Variants in PKLR observed in about 807,000 individuals in gnomAD.
The protein encoded by PKLR is pyruvate kinase PKLR.
A neutral mutation model predicts 53.6 loss-of-function variants in PKLR; 38 were observed. The observed-to-expected ratio is 0.71, with a 90% CI of 0.55 to 0.93. The LOEUF (loss-of-function observed/expected upper bound fraction) is 0.93, where lower values mean the gene tolerates loss of function less well. PKLR is among the 40% of genes least tolerant of loss of function. The pLI is 0.00. For synonymous variants in PKLR, 328 were observed against 316.2 expected (o/e 1.04, Z -0.39); for missense variants, 702 against 787.3 (o/e 0.89, Z 1.30).
intron 2 of PKLR, among the ~76,000 whole-genome samples, chr1:155,298,643 A>AAAAAAC (rs1557962668): frequency 2.8e-5 from 4 of 144,332 alleles, no homozygotes; most frequent in African/African-American, 1.0e-4. Flanking sequence ...TCTTTTTTTA[A>AAAAAAC]AAACAAACAA....
In PKLR at chr1:155,296,360, C is replaced by T. The variant is rs113498109; in HGVS notation, c.284-604G>A. On this transcript the variant is annotated intron_variant, in intron 2 of 10. Transcript: ENST00000342741. ...TCTTTTTCTTTCTTTTTTTTTGAGA[C>T]GGGGGGAGTTTCACTCTTGTCGCCC... Among the ~76,000 whole-genome samples, 4 of 151,464 alleles carry T rather than the reference C, an allele frequency of 2.6e-5. No individual in the cohort carries two copies. The East Asian group carries it at 7.8e-4, about 29-fold the overall frequency.
At position 155,294,701 on chromosome 1, in the gene PKLR, C is replaced by T. The variant is rs368830326; in HGVS notation, c.746G>A (p.Arg249Gln). The T allele has an allele frequency of 6.8e-6, 11 of 1,613,896 alleles. No homozygotes were observed. Among genetic ancestry groups the T allele is most frequent in the South Asian group, 1.1e-5 (1 of 91,064 alleles). ...QVENGGVLGSRKGVNLPGAQV... is the reference protein window; with the variant it reads ...QVENGGVLGSQKGVNLPGAQV... ...GGCCCCTGGCAAGTTCACGCCCTTC[C>T]GGCTGCCCAGGACGCCGCCGTTCTC... Residue 249 changes from arginine to glutamine, a missense_variant, in exon 6 of 11, where the codon CGG becomes CAG. Around this residue, in one of 2 missense-constraint regions of PKLR, gnomAD observed 519 missense variants for 537.1 expected, o/e 0.97. Transcript: ENST00000342741.
intron 10 of PKLR, among the ~76,000 whole-genome samples, chr1:155,291,225 C>T (rs529921918): frequency 2.6e-5 from 4 of 151,894 alleles, no homozygotes; most frequent in South Asian, 2.1e-4. Flanking sequence ...GATGCCAGCA[C>T]GGTGGCTGAC....
rs528936663 is a variant in PKLR, at chr1:155,293,039, G to A, written c.1436+138C>T. 3.0e-3 allele frequency: 2,654 copies of A among 893,982 alleles called. 10 individuals carry two copies. The highest frequency in any genetic ancestry group is 3.6e-3 in the Non-Finnish European group (1,930 of 541,524). The allele number at this position is 893,982 out of a possible 1,614,324, so 55.4% of individuals were successfully genotyped here. On this transcript the variant is annotated intron_variant, in intron 9 of 10. Coordinates refer to ENST00000342741, the MANE Select transcript of PKLR (RefSeq NM_000298.6). The surrounding 1 kb of genome is among the most constrained non-coding windows in gnomAD (Gnocchi z 4.2). Reference sequence around the variant, plus strand: ...GGCATTCTGTCTCTCCTGGCCTCCAGCTGTCATTGCTGCCTCTCCTCTTGT... The same window carrying A: ...GGCATTCTGTCTCTCCTGGCCTCCAACTGTCATTGCTGCCTCTCCTCTTGT...
chr1:155,294,753 C>G lies in PKLR; in HGVS notation c.695-1G>C. 6.2e-7 allele frequency: 1 copy of G among 1,613,936 alleles called. No homozygotes were observed. Among genetic ancestry groups the G allele is most frequent in the South Asian group, 1.1e-5 (1 of 91,074 alleles). On this transcript the variant is annotated splice_acceptor_variant, in intron 5 of 10. Coordinates refer to ENST00000342741, the MANE Select transcript of PKLR (RefSeq NM_000298.6). LOFTEE classifies it high-confidence loss of function. ...ACTTGGGTCACCAGTCCCTCTGGGC[C>G]TGCGGACATGGAAAGAGCCAGCTGC... is the stretch of plus-strand genomic sequence containing the variant.
intron 1 of PKLR, chr1:155,300,931 CCA>C: frequency 6.2e-7 from 1 of 1,601,292 alleles, no homozygotes; most frequent in Non-Finnish European, 8.5e-7. Context: ...TGGGTCTGCT[CCA>C]CACTGTTGGG....
At position 155,295,183 on chromosome 1, in the gene PKLR, C is replaced by G. The variant is rs749332866; in HGVS notation, c.627G>C (p.Arg209=). The part of the protein sequence containing the change: ...TVWVDYPNIV[R]VVPVGGRIYI... ...AGATGCGGCCCCCCACCGGCACGAC[C>G]CGGACAATATTGGGGTAGTCCACCC... The change falls in exon 5 of 11, where the codon CGG becomes CGC. Residue 209 remains arginine (R), a synonymous_variant. Coordinates refer to ENST00000342741, the MANE Select transcript of PKLR (RefSeq NM_000298.6). This position sits in a 1 kb window ranked among gnomAD's most constrained non-coding sequence, Gnocchi z 4.3. 82 of 1,614,032 alleles carry G rather than the reference C, an allele frequency of 5.1e-5. No individual in the cohort carries two copies. The highest frequency in any genetic ancestry group is 6.7e-5 in the Non-Finnish European group (79 of 1,180,002).
Position 155,300,137 on chromosome 1 carries a change from G to C in PKLR, c.244C>G (p.Pro82Ala), listed in dbSNP as rs151005140. The C allele has an allele frequency of 1.2e-6, 2 of 1,613,878 alleles. No homozygotes were observed. Among genetic ancestry groups the C allele is most frequent in the African/African-American group, 2.7e-5 (2 of 74,936 alleles). The stretch of plus-strand genomic sequence containing the variant: ...ATGCTGGTACTGCGAGCAGCCACGG[G>C]CTCGGAGTCAATGTCCAGTAGGCAG... ...HLCLLDIDSE[P>A]VAARSTSIIA... The change falls in exon 2 of 11, where the codon CCC becomes GCC. Residue 82 changes from proline to alanine, a missense_variant. Pro to Ala is a conservative substitution (Grantham distance 27, BLOSUM62 -1). Around this residue, in one of 2 missense-constraint regions of PKLR, gnomAD observed 519 missense variants for 537.1 expected, o/e 0.97. Coordinates refer to ENST00000342741, the MANE Select transcript of PKLR (RefSeq NM_000298.6).
chr1:155,299,026 CTT>C (rs1190490055), intron 2 of PKLR, among the ~76,000 whole-genome samples: 8 of 92,394 alleles, frequency 8.7e-5, no homozygotes, highest in Non-Finnish European at 1.3e-4. Context: ...TTCTTTCTTT[CTT>C]TCTTTCTCTT....
In PKLR at chr1:155,293,235, C is replaced by A. The variant is rs752034960; in HGVS notation, c.1378G>T (p.Val460Leu). 1 of 1,614,222 alleles carries A rather than the reference C, an allele frequency of 6.2e-7. No individual in the cohort carries two copies. Among genetic ancestry groups the A allele is most frequent in the Non-Finnish European group, 8.5e-7 (1 of 1,180,034 alleles). Residue 460 changes from valine (V) to leucine (L), a missense_variant, in exon 9 of 11, where the codon GTG becomes TTG. Val to Leu is a conservative substitution (Grantham distance 32). Around this residue, in one of 2 missense-constraint regions of PKLR, gnomAD observed 183 missense variants for 250.2 expected, o/e 0.73. Coordinates refer to ENST00000342741, the MANE Select transcript of PKLR (RefSeq NM_000298.6). This position sits in a 1 kb window ranked among gnomAD's most constrained non-coding sequence, Gnocchi z 4.2. ...GCACAGCACTTGAAGGCAGCCTCCA[C>A]AGCACCAATGGCGGTGACCTCAGTG... ...DPTEVTAIGA[V>L]EAAFKCCAAA... is the part of the protein sequence containing the mutation.
chr1:155,293,279 G>T lies in PKLR; in HGVS notation c.1334C>A (p.Ala445Glu), dbSNP rs531294009. ...RQLFEELRRA[A>E]PLSRDPTEVT... ...CTCAGTGGGATCACGGCTTAGTGGC[G>T]CTGCCCGACGTAGCTCCTCAAACAG... Residue 445 changes from alanine (A) to glutamate (E), a missense_variant, in exon 9 of 11, where the codon GCG becomes GAG. Ala to Glu is a moderately radical substitution (Grantham distance 107, BLOSUM62 -1). Transcript: ENST00000342741. This position sits in a 1 kb window ranked among gnomAD's most constrained non-coding sequence, Gnocchi z 4.2. The T allele has an allele frequency of 1.2e-6, 2 of 1,614,234 alleles. No individual in the cohort carries two copies. Among genetic ancestry groups the T allele is most frequent in the South Asian group, 1.1e-5 (1 of 91,090 alleles).
rs200791251 is a variant in PKLR, at chr1:155,300,164, G to A, written c.217C>T (p.Leu73Phe). Residue 73 changes from leucine (L) to phenylalanine (F), a missense_variant, in exon 2 of 11, where the codon CTC (leucine) becomes TTC (phenylalanine). Around this residue, in one of 2 missense-constraint regions of PKLR, gnomAD observed 519 missense variants for 537.1 expected, o/e 0.97. Coordinates refer to ENST00000342741, the MANE Select transcript of PKLR (RefSeq NM_000298.6). ...TCGGAGTCAATGTCCAGTAGGCAGA[G>A]GTGTTCCAGGAAGGTGTCTGCCATA... ...AAMADTFLEHLCLLDIDSEPV... is the reference protein window; with the variant it reads ...AAMADTFLEHFCLLDIDSEPV... 36 of 1,613,912 alleles carry A rather than the reference G, an allele frequency of 2.2e-5. No homozygotes were observed. The highest frequency in any genetic ancestry group is 1.6e-4 in the Middle Eastern group (1 of 6,084).
At chr1:155,296,622 G>A (rs1359350853) in intron 2 of PKLR, among the ~76,000 whole-genome samples, 2 of 152,070 alleles carry the variant, frequency 1.3e-5, no homozygotes, top group Non-Finnish European at 2.9e-5. Context: ...TGGGATTACA[G>A]GTGTGAGTCA....
In PKLR at chr1:155,300,799, G is replaced by C. The variant is rs183554608; in HGVS notation, c.100+497C>G. The C allele has an allele frequency of 2.4e-4, 359 of 1,512,404 alleles. 1 individual carries two copies. The African/African-American group carries it at 4.2e-3, about 18-fold the overall frequency. The allele number at this position is 1,512,404 out of a possible 1,614,324, so 93.7% of individuals were successfully genotyped here. On this transcript the variant is annotated intron_variant, in intron 1 of 10. Coordinates refer to ENST00000342741, the MANE Select transcript of PKLR (RefSeq NM_000298.6). ...CACCCCATCCTCTGAGTCTCCCCAG[G>C]CTTCTCAAAGCTGCTACAGACACAG... is the stretch of plus-strand genomic sequence containing the variant.
In PKLR at chr1:155,300,296, G is replaced by A. The variant is rs775717282; in HGVS notation, c.101-16C>T. 3.8e-6 allele frequency: 6 copies of A among 1,565,816 alleles called. No homozygotes were observed. Among genetic ancestry groups the A allele is most frequent in the Non-Finnish European group, 5.2e-6 (6 of 1,155,910 alleles). On this transcript the variant is annotated splice_polypyrimidine_tract_variant and intron_variant, in intron 1 of 10. Coordinates refer to ENST00000342741, the MANE Select transcript of PKLR (RefSeq NM_000298.6). The stretch of plus-strand genomic sequence containing the variant: ...CCCGCTGGCCCTGTGGTAGAAGGGG[G>A]CTCAGGGACTGCATGTCACCTGCCC...
At chr1:155,302,535 C>A (rs896427151), upstream of PKLR, among the ~76,000 whole-genome samples, 1 of 151,762 alleles carries the variant, frequency 6.6e-6, no homozygotes, top group Admixed American at 6.6e-5. Context: ...CTGTGCCTGG[C>A]CTAATTTTTG....
chr1:155,294,965 CAG>C, intron 5 of PKLR, 149 bp downstream of exon 5: 1 of 1,046,524 alleles, frequency 9.6e-7, no homozygotes, highest in South Asian at 1.4e-5. Flanking sequence ...AGGGTGAGCG[CAG>C]AGTCTACACG....
At chr1:155,305,601 G>A (rs1648212110), upstream of PKLR, among the ~76,000 whole-genome samples, 1 of 152,116 alleles carries the variant, frequency 6.6e-6, no homozygotes, top group Non-Finnish European at 1.5e-5. Context: ...TTGTGGTGTT[G>A]GCAGAGACAT....
At position 155,290,390 on chromosome 1, in the gene PKLR, G is replaced by A. The variant is rs913957307; in HGVS notation, c.*182C>T. The A allele has an allele frequency of 1.6e-6, 1 of 609,054 alleles. No homozygotes were observed. 37.7% of individuals were successfully genotyped at this position (609,054 alleles called of 1,614,324 possible). On this transcript the variant is annotated 3_prime_UTR_variant, in exon 11 of 11. Coordinates refer to ENST00000342741, the MANE Select transcript of PKLR (RefSeq NM_000298.6). ...CTGTGTGAAATGGAGATGGGGAAGG[G>A]GCAACCTCGAAGGGGCTAGATGACA...
Sources: gnomAD v4.1 joint callset for allele counts (sites outside exome capture counted in the v4.1 genomes callset) on GRCh38, gnomAD v4.1.1 for gene constraint, gnomAD v4.1.1 regional missense constraint, Gnocchi (gnomAD v3.1) non-coding constraint, MANE v1.5 for transcripts, NCBI Gene and HGNC (gene_info 2026-07-23, HGNC 2026-07-21) for gene names.